PLAAT5: variants seen among roughly 807,000 people sequenced by gnomAD.
PLAAT5 encodes phospholipase A and acyltransferase 5.
In PLAAT5, 27 loss-of-function variants were observed where a neutral mutation model predicts 27.8. The observed-to-expected ratio is 0.97, with a 90% CI of 0.72 to 1.34. PLAAT5 has a LOEUF of 1.34. Ranked by LOEUF, PLAAT5 falls within the 40% of genes most tolerant of loss-of-function variation. PLAAT5 has a pLI of 0.00. For missense variants in PLAAT5, 368 were observed against 343.8 expected, an observed-to-expected ratio of 1.07 and a Z score of -0.56; for synonymous variants, 125 against 136.1, an observed-to-expected ratio of 0.92 and a Z score of 0.57.
chr11:63,483,639 G>GC (rs1361933900), intron 3 of PLAAT5, among the ~76,000 whole-genome samples: 4 of 106,814 alleles, frequency 3.7e-5, no homozygotes, highest in Admixed American at 1.0e-4. Flanking sequence ...AGCATTAAAT[G>GC]CCTACACCAA....
chr11:63,490,510 G>C (rs1479118193), intron 1 of PLAAT5, 177 bp from the exon 2 acceptor site: 3 of 952,216 alleles, frequency 3.2e-6, no homozygotes, highest in Non-Finnish European at 4.8e-6. Flanking sequence ...GCTGGAGCGG[G>C]TTCAGTTCCT....
intron 1 of PLAAT5, 97 bp downstream of exon 1, chr11:63,490,790 G>A: frequency 1.8e-6 from 2 of 1,137,838 alleles, no homozygotes; most frequent in South Asian, 1.5e-5. Flanking sequence ...CAACACAATC[G>A]CCAAATGTCT....
intron 3 of PLAAT5, among the ~76,000 whole-genome samples, chr11:63,473,960 A>C (rs777107816): frequency 1.1e-4 from 17 of 152,028 alleles, no homozygotes; most frequent in Non-Finnish European, 2.2e-4. Flanking sequence ...CCACCTCCCA[A>C]AGGGCTAGGA....
In PLAAT5 at chr11:63,488,741, G is replaced by C. The variant is rs888146236; in HGVS notation, c.345+130C>G. Reference sequence around the variant, plus strand: ...GTGTATTTTATGTGTGGCCCAAGACGTTTCTTCTTCCAGTGTGGCCCAGGG... The same window carrying C: ...GTGTATTTTATGTGTGGCCCAAGACCTTTCTTCTTCCAGTGTGGCCCAGGG... On this transcript the variant is annotated intron_variant, in intron 3 of 5. Transcript: ENST00000540857. 3 of 517,932 alleles carry C rather than the reference G, an allele frequency of 5.8e-6. No individual in the cohort carries two copies. The South Asian group carries it at 8.6e-5, about 15-fold the overall frequency. 32.1% of individuals were successfully genotyped at this position (517,932 alleles called of 1,614,324 possible).
At chr11:63,465,043 C>T (rs987568796) in intron 5 of PLAAT5, among the ~76,000 whole-genome samples, 5 of 152,044 alleles carry the variant, frequency 3.3e-5, no homozygotes, top group Admixed American at 1.3e-4. Context: ...TTTGGGAGGC[C>T]GAGGCGGGTG....
intron 3 of PLAAT5, among the ~76,000 whole-genome samples, chr11:63,487,776 C>T (rs1590629534): frequency 6.6e-6 from 1 of 152,256 alleles, no homozygotes; most frequent in African/African-American, 2.4e-5. Context: ...AGTGGTATAT[C>T]CATACAATGA....
Position 63,462,869 on chromosome 11 carries a change from G to A in PLAAT5, c.*634C>T, listed in dbSNP as rs544632898. The A allele has an allele frequency of 1.3e-5, 2 of 148,866 alleles. No individual in the cohort carries two copies. Among genetic ancestry groups the A allele is most frequent in the South Asian group, 2.1e-4 (1 of 4,798 alleles). 9.2% of individuals were successfully genotyped at this position (148,866 alleles called of 1,614,324 possible). On this transcript the variant is annotated 3_prime_UTR_variant, in exon 6 of 6. Transcript: ENST00000540857. ...CAAAAGCAAGATAAATTGTCTTATC[G>A]ATGATACTTTTGATAGAAGATTTTT... is the stretch of plus-strand genomic sequence containing the variant.
intron 3 of PLAAT5, among the ~76,000 whole-genome samples, chr11:63,479,443 T>TA: frequency 6.6e-6 from 1 of 152,376 alleles, no homozygotes. Context: ...AAGCTCATTT[T>TA]AAAAAATCAA....
rs2015738176 is a variant in PLAAT5, at chr11:63,462,253, A to C, written c.*1250T>G. On this transcript the variant is annotated 3_prime_UTR_variant, in exon 6 of 6. Coordinates refer to ENST00000540857, the MANE Select transcript of PLAAT5 (RefSeq NM_001146729.2). ...TAGACCATATAATGAATAGAGACTG[A>C]AGGAAGAGGTATTGGGAACTCAACT... The C allele has an allele frequency of 6.6e-6, 1 of 152,210 alleles. No individual in the cohort carries two copies. The highest frequency in any genetic ancestry group is 2.1e-4 in the South Asian group (1 of 4,832). The allele number at this position is 152,210 out of a possible 1,614,324, so 9.4% of individuals were successfully genotyped here. A position where few individuals can be genotyped will look rare whatever the true frequency, so the allele number is the denominator to read the frequency against.
In PLAAT5 at chr11:63,482,702, T is replaced by TA. The variant is rs533482995; in HGVS notation, c.345+6168dup. Among the ~76,000 whole-genome samples the TA allele has an allele frequency of 2.2e-3, 327 of 151,320 alleles. 3 individuals are homozygous for TA. The highest frequency in any genetic ancestry group is 6.8e-3 in the Middle Eastern group (2 of 292). On this transcript the variant is annotated intron_variant, in intron 3 of 5. Coordinates refer to ENST00000540857, the MANE Select transcript of PLAAT5 (RefSeq NM_001146729.2). ...GCCTATAAAATAATAACACAATTTT[T>TA]AAAAAAAAAGATATTCAGGCAACAA...
Position 63,474,004 on chromosome 11 carries a change from A to AT in PLAAT5, c.346-5540dup, listed in dbSNP as rs2016094913. The stretch of plus-strand genomic sequence containing the variant: ...ATGCCCCACAGCGCCCAGCCCTGGT[A>AT]TATTACATTAATTGACTTGGGGGTG... On this transcript the variant is annotated intron_variant, in intron 3 of 5. Transcript: ENST00000540857. Among the ~76,000 whole-genome samples the AT allele has an allele frequency of 2.0e-5, 3 of 152,160 alleles. No homozygotes were observed. The South Asian group carries it at 6.2e-4, about 31-fold the overall frequency.
At position 63,463,541 on chromosome 11, in the gene PLAAT5, C is replaced by G. The variant is rs147125002; in HGVS notation, c.772G>C (p.Val258Leu). The G allele has an allele frequency of 2.5e-6, 4 of 1,613,774 alleles. No homozygotes were observed. In the African/African-American group the frequency reaches 4.0e-5, roughly 16 times the overall value. Residue 258 changes from valine to leucine, a missense_variant, in exon 6 of 6, where the codon GTA becomes CTA. By Grantham distance (32) the Val-to-Leu change is conservative. Transcript: ENST00000540857. ...AKAAGAVISA[V>L]VDSIKPKPIT... is the part of the protein sequence containing the mutation. ...GGTTTGGGCTTTATGCTATCCACTA[C>G]AGCTGAAATAACTGCTCCAGCAGCC... is the stretch of plus-strand genomic sequence containing the variant.
intron 3 of PLAAT5, among the ~76,000 whole-genome samples, chr11:63,472,153 T>C (rs1438766073): frequency 1.3e-5 from 2 of 151,746 alleles, no homozygotes; most frequent in Non-Finnish European, 2.9e-5. Context: ...CAATTTTACC[T>C]ATGTAACAAA....
At chr11:63,490,674 T>C in intron 1 of PLAAT5, 1 of 621,024 alleles carries the variant, frequency 1.6e-6, no homozygotes, top group Non-Finnish European at 2.8e-6. Flanking sequence ...ACTGCCTCAC[T>C]TCCATATGAG....
intron 5 of PLAAT5, 137 bp downstream of exon 5, chr11:63,465,973 T>C: frequency 1.1e-6 from 1 of 906,722 alleles, no homozygotes; most frequent in South Asian, 1.8e-5. Flanking sequence ...AACCATAAAG[T>C]CCTGCAGAAA....
chr11:63,486,080 A>G (rs1388674091), intron 3 of PLAAT5, among the ~76,000 whole-genome samples: 2 of 152,224 alleles, frequency 1.3e-5, no homozygotes, highest in African/African-American at 4.8e-5. Context: ...ACGATGCAAT[A>G]ATACCACCTT....
chr11:63,488,988 T>G lies in PLAAT5; in HGVS notation c.240-12A>C, dbSNP rs761033735. The G allele has an allele frequency of 6.4e-7, 1 of 1,572,244 alleles. No homozygotes were observed. Among genetic ancestry groups the G allele is most frequent in the Non-Finnish European group, 8.7e-7 (1 of 1,145,550 alleles). On this transcript the variant is annotated splice_polypyrimidine_tract_variant and intron_variant, in intron 2 of 5. Coordinates refer to ENST00000540857, the MANE Select transcript of PLAAT5 (RefSeq NM_001146729.2). ...CTACAGCCTTCTCCCTAAATGATTT[T>G]GCAATCACAAAGTTAACAAATATCA...
chr11:63,475,974 A>G (rs2016143250), intron 3 of PLAAT5, among the ~76,000 whole-genome samples: 1 of 152,094 alleles, frequency 6.6e-6, no homozygotes, highest in Non-Finnish European at 1.5e-5. Context: ...TGTTACAAAT[A>G]TTGCTTTATA....
chr11:63,476,153 C>G (rs75478455), intron 3 of PLAAT5, among the ~76,000 whole-genome samples: 1,930 of 152,150 alleles, frequency 0.013, 58 homozygotes, highest in African/African-American at 0.044. Flanking sequence ...AGTCCCTCTC[C>G]TTTGTGCTAT....
Sources: gnomAD v4.1 joint callset for allele counts (sites outside exome capture counted in the v4.1 genomes callset) on GRCh38, gnomAD v4.1.1 for gene constraint, MANE v1.5 for transcripts, NCBI Gene and HGNC (gene_info 2026-07-23, HGNC 2026-07-21) for gene names.